Variants in PTPRA observed in about 807,000 individuals in gnomAD.
PTPRA encodes the protein receptor-type tyrosine-protein phosphatase alpha.
In PTPRA, 25 loss-of-function variants were observed where a neutral mutation model predicts 104.8. The observed-to-expected ratio is 0.24, with a 90% CI of 0.17 to 0.33. The LOEUF is 0.33. Ranked by LOEUF, PTPRA falls within the 10% of genes least tolerant of loss-of-function variation. The pLI is 1.00. For missense variants in PTPRA, 765 were observed against 1,015.3 expected, an observed-to-expected ratio of 0.75 and a Z score of 3.35; for synonymous variants, 323 against 368.9, an observed-to-expected ratio of 0.88 and a Z score of 1.43.
intron 1 of PTPRA, among the ~76,000 whole-genome samples, chr20:2,913,018 C>CT (rs1374371705): frequency 5.3e-5 from 8 of 152,052 alleles, no homozygotes; most frequent in Admixed American, 1.3e-4. Flanking sequence ...GTTACAGAGT[C>CT]TTTTCGCTCC....
At chr20:2,945,261 T>A (rs2061081214) in intron 2 of PTPRA, among the ~76,000 whole-genome samples, 1 of 152,234 alleles carries the variant, frequency 6.6e-6, no homozygotes, top group Admixed American at 6.5e-5. Flanking sequence ...TTACTGATTC[T>A]CATGTTGCCT....
At chr20:2,955,141 G>T (rs2061492401) in intron 3 of PTPRA, among the ~76,000 whole-genome samples, 1 of 152,028 alleles carries the variant, frequency 6.6e-6, no homozygotes, top group Non-Finnish European at 1.5e-5. Flanking sequence ...TTTCAAAATT[G>T]TCACTGGTTT....
intron 1 of PTPRA, among the ~76,000 whole-genome samples, chr20:2,878,135 G>GC (rs957850883): frequency 3.9e-4 from 60 of 152,008 alleles, no homozygotes; most frequent in African/African-American, 1.5e-3. Context: ...TGGCGACAGA[G>GC]CGAGACTCCG....
intron 1 of PTPRA, among the ~76,000 whole-genome samples, chr20:2,878,093 G>A (rs2089837993): frequency 6.6e-6 from 1 of 152,208 alleles, no homozygotes; most frequent in African/African-American, 2.4e-5. Context: ...GGAAGTTGCA[G>A]TGAGCCAAGA....
At chr20:2,884,994 A>G (rs1280694251) in intron 1 of PTPRA, among the ~76,000 whole-genome samples, 1 of 152,050 alleles carries the variant, frequency 6.6e-6, no homozygotes, top group Non-Finnish European at 1.5e-5. Context: ...TATTTTTAGT[A>G]GAGATGGGAT....
intron 22 of PTPRA, 60 bp downstream of exon 22, chr20:3,036,001 G>C: frequency 6.2e-7 from 1 of 1,608,798 alleles, no homozygotes. Context: ...GATAGGGGAA[G>C]CTGATGACCA....
At chr20:3,018,272 A>G (rs1341105897) in intron 13 of PTPRA, among the ~76,000 whole-genome samples, 1 of 151,894 alleles carries the variant, frequency 6.6e-6, no homozygotes, top group East Asian at 1.9e-4. Flanking sequence ...TTTCTCATAG[A>G]GGGGGATTTG....
chr20:3,034,798 G>A (rs1490012594), intron 20 of PTPRA, among the ~76,000 whole-genome samples: 2 of 152,104 alleles, frequency 1.3e-5, no homozygotes, highest in African/African-American at 4.8e-5. Flanking sequence ...TCAATTGCCA[G>A]TAGTGAAGAA....
At chr20:3,002,587 A>G (rs1011191132) in intron 9 of PTPRA, among the ~76,000 whole-genome samples, 1 of 152,150 alleles carries the variant, frequency 6.6e-6, no homozygotes, top group Non-Finnish European at 1.5e-5. Flanking sequence ...TCGGCCTCCC[A>G]AAGTGCTGGG....
At position 2,987,849 on chromosome 20, in the gene PTPRA, C is replaced by A. The variant is rs573267775; in HGVS notation, c.528-183C>A. 96 of 733,584 alleles carry A rather than the reference C, an allele frequency of 1.3e-4. 1 individual carries two copies. In the East Asian group the frequency reaches 2.4e-3, roughly 18 times the overall value. The allele number at this position is 733,584 out of a possible 1,614,324, so 45.4% of individuals were successfully genotyped here. On this transcript the variant is annotated intron_variant, in intron 7 of 23. Transcript: ENST00000399903. ...GTGTGCCAAGGGTAAACAGGAGTAT[C>A]CCGAGGTACTCGGTCACCCCAGCAT...
At chr20:2,989,833 C>G (rs530033420) in intron 9 of PTPRA, among the ~76,000 whole-genome samples, 19 of 152,054 alleles carry the variant, frequency 1.2e-4, no homozygotes, top group Admixed American at 3.9e-4. Flanking sequence ...CTGGCTAACA[C>G]AGTGAAACCC....
chr20:2,929,571 T>A (rs1022920634), intron 2 of PTPRA, among the ~76,000 whole-genome samples: 33 of 152,116 alleles, frequency 2.2e-4, no homozygotes, highest in Non-Finnish European at 4.4e-4. Context: ...ATGTTTGTAA[T>A]CTTAGTACTT....
intron 3 of PTPRA, chr20:2,955,525 T>G: frequency 1.6e-6 from 1 of 628,160 alleles, no homozygotes; most frequent in Non-Finnish European, 2.0e-6. Flanking sequence ...TTGGGGAAGG[T>G]CTCTTCTCTT....
Position 2,965,156 on chromosome 20 carries a change from G to A in PTPRA, c.369G>A (p.Gly123=). 3 of 1,614,134 alleles carry A rather than the reference G, an allele frequency of 1.9e-6. No homozygotes were observed. In the Middle Eastern group the frequency reaches 4.9e-4, roughly 266 times the overall value. The change falls in exon 5 of 24, where the codon GGG becomes GGA. Residue 123 remains glycine, a synonymous_variant. Transcript: ENST00000399903. The part of the protein sequence containing the change: ...FTDARTEPWE[G]NSSTAATTPE... ...ATGCCAGAACAGAACCCTGGGAGGGGAATTCCAGCACCGCAGCAACCACTC... is the reference window on the plus strand; with the variant it reads ...ATGCCAGAACAGAACCCTGGGAGGGAAATTCCAGCACCGCAGCAACCACTC...
intron 20 of PTPRA, among the ~76,000 whole-genome samples, chr20:3,030,726 A>G (rs2065405352): frequency 9.0e-6 from 1 of 111,134 alleles, no homozygotes; most frequent in Admixed American, 1.5e-4. Context: ...CACTCTGTCC[A>G]CCAGACTGGA....
chr20:2,872,914 G>C (rs1273746065), upstream of PTPRA, among the ~76,000 whole-genome samples: 1 of 152,210 alleles, frequency 6.6e-6, no homozygotes, highest in African/African-American at 2.4e-5. This position sits in a 1 kb window ranked among gnomAD's most constrained non-coding sequence, Gnocchi z 7.9. Context: ...TCTGGAAAGC[G>C]GGGGAGATTA....
At chr20:2,884,812 G>GT (rs34457101) in intron 1 of PTPRA, among the ~76,000 whole-genome samples, 90 of 127,004 alleles carry the variant, frequency 7.1e-4, no homozygotes, top group Non-Finnish European at 8.9e-4. Flanking sequence ...TGTTTTTTTT[G>GT]TTTTTTTTTT....
intron 3 of PTPRA, among the ~76,000 whole-genome samples, chr20:2,960,311 G>A (rs1213963531): frequency 2.0e-5 from 3 of 149,228 alleles, no homozygotes; most frequent in Non-Finnish European, 4.4e-5. Flanking sequence ...GTGCAGTGGC[G>A]CCATCTTGGG....
chr20:2,910,920 C>CTTTTT (rs11473733), intron 1 of PTPRA, among the ~76,000 whole-genome samples: 1 of 131,186 alleles, frequency 7.6e-6, no homozygotes, highest in Non-Finnish European at 1.6e-5. Flanking sequence ...TTTATTTTAA[C>CTTTTT]TTTTTTTTTT....
Sources: allele counts gnomAD v4.1 joint callset (sites outside exome capture counted in the v4.1 genomes callset), GRCh38; gene constraint gnomAD v4.1.1; non-coding constraint Gnocchi (gnomAD v3.1); transcripts MANE v1.5; gene names NCBI Gene and HGNC (gene_info 2026-07-23, HGNC 2026-07-21).